Variants in ADAMTSL1 observed in about 807,000 individuals in gnomAD.
ADAMTSL1 encodes the protein ADAMTS-like protein 1.
Under a neutral mutation model 201.8 loss-of-function variants are expected in ADAMTSL1, and 126 were observed. That is an observed-to-expected ratio of 0.62 (90% confidence interval 0.54 to 0.72). The LOEUF (loss-of-function observed/expected upper bound fraction) is 0.72. Among genes scored for constraint, ADAMTSL1 ranks in the 30% least tolerant of loss-of-function variants. ADAMTSL1 has a pLI of 0.00. For missense variants in ADAMTSL1, 2,679 were observed against 2,277.8 expected (o/e 1.18, Z -3.59); for synonymous variants, 1,121 against 903.4 (o/e 1.24, Z -4.32).
chr9:18,475,138 C>T (rs1286197627), intron 1 of ADAMTSL1, among the ~76,000 whole-genome samples: 2 of 152,132 alleles, frequency 1.3e-5, no homozygotes, highest in Non-Finnish European at 2.9e-5. Context: ...GCTTAGTAAA[C>T]CTCATCTGAA....
In ADAMTSL1 at chr9:17,992,297, A is replaced by G. The variant is rs149516846; in HGVS notation, c.87+85375A>G. ...GTGCAAGTTTATCTGCAGCTGGTGCATTACCTGCAATTCTCATTTGTTTTA... is the reference window on the plus strand; with the variant it reads ...GTGCAAGTTTATCTGCAGCTGGTGCGTTACCTGCAATTCTCATTTGTTTTA... On this transcript the variant is annotated intron_variant, in intron 1 of 29. Transcript: ENST00000680146. Among the ~76,000 whole-genome samples, 831 of 152,304 alleles carry G rather than the reference A, an allele frequency of 5.5e-3. 7 individuals carry two copies. Among genetic ancestry groups the G allele is most frequent in the African/African-American group, 0.019 (771 of 41,558 alleles).
At chr9:18,714,152 G>T (rs1230653005) in intron 14 of ADAMTSL1, among the ~76,000 whole-genome samples, 1 of 152,172 alleles carries the variant, frequency 6.6e-6, no homozygotes, top group African/African-American at 2.4e-5. Flanking sequence ...AAGCACAAAA[G>T]ATCCAAAATT....
intron 4 of ADAMTSL1, among the ~76,000 whole-genome samples, chr9:18,584,797 G>C (rs1361170699): frequency 6.6e-6 from 1 of 152,034 alleles, no homozygotes; most frequent in Non-Finnish European, 1.5e-5. Flanking sequence ...AATTGACTAG[G>C]GGCCTGAAAG....
In ADAMTSL1 at chr9:18,892,558, C is replaced by A. The variant is rs1269288177; in HGVS notation, c.4813C>A (p.Gln1605Lys). 3 of 1,575,674 alleles carry A rather than the reference C, an allele frequency of 1.9e-6. No individual in the cohort carries two copies. Among genetic ancestry groups the A allele is most frequent in the South Asian group, 1.2e-5 (1 of 86,066 alleles). ...RPVDTQACNQ[Q>K]LCVEWAFSSW... is the part of the protein sequence containing the mutation. ...TGTGGACACCCAGGCCTGTAACCAG[C>A]AGCTGTGTGTGGAGTGGGCCTTCTC... The change falls in exon 26 of 29, where the codon CAG becomes AAG. Residue 1605 changes from glutamine to lysine, a missense_variant. Physicochemically the swap from Gln to Lys is moderately conservative, Grantham distance 53 (BLOSUM62 1). Transcript: ENST00000380548.
At chr9:18,866,714 A>G (rs1827561991) in intron 23 of ADAMTSL1, among the ~76,000 whole-genome samples, 1 of 152,216 alleles carries the variant, frequency 6.6e-6, no homozygotes, top group Admixed American at 6.5e-5. Context: ...TAGGATATAC[A>G]TTCAGCAACT....
intron 1 of ADAMTSL1, among the ~76,000 whole-genome samples, chr9:18,001,740 A>G (rs1161790250): frequency 6.6e-6 from 1 of 152,000 alleles, no homozygotes; most frequent in African/African-American, 2.4e-5. Flanking sequence ...TTGAGGGAGC[A>G]GAGGTTGGGG....
intron 2 of ADAMTSL1, among the ~76,000 whole-genome samples, chr9:18,324,770 A>G (rs1233942468): frequency 6.6e-6 from 1 of 152,076 alleles, no homozygotes; most frequent in Non-Finnish European, 1.5e-5. Flanking sequence ...ATCTCAAAAA[A>G]AAAAAAAATA....
intron 1 of ADAMTSL1, among the ~76,000 whole-genome samples, chr9:18,065,076 G>A (rs548427429): frequency 6.8e-6 from 1 of 147,294 alleles, no homozygotes; most frequent in East Asian, 2.0e-4. Flanking sequence ...TCAGTACCTT[G>A]GGGAAAACAA....
chr9:18,845,035 AC>A (rs1329051019), intron 23 of ADAMTSL1, among the ~76,000 whole-genome samples: 4 of 152,134 alleles, frequency 2.6e-5, no homozygotes, highest in African/African-American at 9.7e-5. Context: ...TGCACGGTGC[AC>A]TGCACCCACT....
chr9:18,344,181 C>A (rs1178465788), intron 2 of ADAMTSL1, among the ~76,000 whole-genome samples: 1 of 152,062 alleles, frequency 6.6e-6, no homozygotes, highest in Non-Finnish European at 1.5e-5. Flanking sequence ...TACTGAAGTT[C>A]TTTTGTTTAA....
chr9:17,936,877 A>T (rs891209195), intron 1 of ADAMTSL1, among the ~76,000 whole-genome samples: 1 of 152,086 alleles, frequency 6.6e-6, no homozygotes, highest in Non-Finnish European at 1.5e-5. Flanking sequence ...TTTTATAATT[A>T]TTTTTTGATA....
At chr9:18,504,607 C>T (rs1189256692) in intron 1 of ADAMTSL1, among the ~76,000 whole-genome samples, 2 of 152,270 alleles carry the variant, frequency 1.3e-5, no homozygotes, top group East Asian at 3.9e-4. Context: ...TGTACAACTT[C>T]GTGCCCACTT....
chr9:18,250,848 C>G (rs374914838), intron 2 of ADAMTSL1, among the ~76,000 whole-genome samples: 2 of 152,146 alleles, frequency 1.3e-5, no homozygotes, highest in African/African-American at 4.8e-5. Context: ...TTTTCTACCA[C>G]CAGCCCGTTT....
In ADAMTSL1 at chr9:18,681,897, C is replaced by T; in HGVS notation, c.1427C>T (p.Pro476Leu). Residue 476 changes from proline (P) to leucine (L), a missense_variant, in exon 12 of 29, where the codon CCA becomes CTA. Pro to Leu is a moderately conservative substitution (Grantham distance 98, BLOSUM62 -3). Coordinates refer to ENST00000380548, the MANE Select transcript of ADAMTSL1 (RefSeq NM_001040272.6). The part of the protein sequence containing the change: ...HRGMHTGGCS[P>L]KTKPHIKEEC... Reference sequence around the variant, plus strand: ...GGAATGCACACAGGAGGCTGTAGCCCAAAAACAAAGCCCCACATAAAAGAG... The same window carrying T: ...GGAATGCACACAGGAGGCTGTAGCCTAAAAACAAAGCCCCACATAAAAGAG... 6.2e-7 allele frequency: 1 copy of T among 1,614,006 alleles called. No individual in the cohort carries two copies. Among genetic ancestry groups the T allele is most frequent in the Non-Finnish European group, 8.5e-7 (1 of 1,179,996 alleles).
At chr9:18,496,114 T>A (rs1162565215) in intron 1 of ADAMTSL1, among the ~76,000 whole-genome samples, 1 of 152,206 alleles carries the variant, frequency 6.6e-6, no homozygotes, top group Non-Finnish European at 1.5e-5. Context: ...AAGATAATTG[T>A]TATATAGAAT....
At chr9:18,390,573 G>T (rs2133219995) in intron 2 of ADAMTSL1, among the ~76,000 whole-genome samples, 1 of 152,308 alleles carries the variant, frequency 6.6e-6, no homozygotes, top group Non-Finnish European at 1.5e-5. Flanking sequence ...TATTTTCCCT[G>T]TTAGTAAGCG....
intron 2 of ADAMTSL1, among the ~76,000 whole-genome samples, chr9:18,269,456 C>T (rs1182723995): frequency 6.6e-6 from 1 of 151,902 alleles, no homozygotes; most frequent in African/African-American, 2.4e-5. Context: ...TATAACACAT[C>T]AAATAAAAAC....
rs1045064318 is a variant in ADAMTSL1, at chr9:18,578,734, G to T, written c.474+4468G>T. 2.0e-5 allele frequency among the ~76,000 whole-genome samples: 3 copies of T among 152,004 alleles called. No individual in the cohort carries two copies. The East Asian group carries it at 5.8e-4, about 29-fold the overall frequency. The stretch of plus-strand genomic sequence containing the variant: ...AGCAGCATGATTTATAGTCATTTGG[G>T]TATATACCCAGTAATGGGATGGCTG... On this transcript the variant is annotated intron_variant, in intron 4 of 28. Coordinates refer to ENST00000380548, the MANE Select transcript of ADAMTSL1 (RefSeq NM_001040272.6).
intron 1 of ADAMTSL1, among the ~76,000 whole-genome samples, chr9:18,057,827 A>G (rs1194600555): frequency 6.6e-6 from 1 of 152,188 alleles, no homozygotes; most frequent in Non-Finnish European, 1.5e-5. Flanking sequence ...TTTAGGATTG[A>G]GTTTTAATGT....
Sources: allele counts gnomAD v4.1 joint callset (sites outside exome capture counted in the v4.1 genomes callset), GRCh38; gene constraint gnomAD v4.1.1; transcripts MANE v1.5; gene names NCBI Gene and HGNC (gene_info 2026-07-23, HGNC 2026-07-21).